Variants in CADPS2 observed in about 807,000 individuals in gnomAD.
The protein encoded by CADPS2 is calcium dependent secretion activator 2.
In CADPS2, 93 loss-of-function variants were observed where a neutral mutation model predicts 172.5. That is an observed-to-expected ratio of 0.54 (90% CI 0.46 to 0.64). CADPS2 has a LOEUF of 0.64. Ranked by LOEUF, CADPS2 falls within the 30% of genes least tolerant of loss-of-function variation. The probability of loss-of-function intolerance (pLI) is 0.00; values close to 1 mark genes in which losing one functional copy is unlikely to be tolerated. For missense variants in CADPS2, 1,420 were observed against 1,565.9 expected, an observed-to-expected ratio of 0.91 and a Z score of 1.57; for synonymous variants, 546 against 555.2, an observed-to-expected ratio of 0.98 and a Z score of 0.23.
At chr7:122,329,939 C>T (rs969651825) in intron 28 of CADPS2, among the ~76,000 whole-genome samples, 1 of 152,154 alleles carries the variant, frequency 6.6e-6, no homozygotes, top group East Asian at 1.9e-4. Flanking sequence ...TTCGCTAGGG[C>T]ACAAATCTGT....
At chr7:122,731,295 C>T (rs949224528) in intron 2 of CADPS2, among the ~76,000 whole-genome samples, 1 of 151,340 alleles carries the variant, frequency 6.6e-6, no homozygotes, top group Non-Finnish European at 1.5e-5. Flanking sequence ...AACAGCAGAA[C>T]TTGAAAGTTT....
chr7:122,653,823 G>A (rs1344578455), intron 3 of CADPS2, among the ~76,000 whole-genome samples: 8 of 152,142 alleles, frequency 5.3e-5, no homozygotes, highest in South Asian at 4.2e-4. Flanking sequence ...GCTCCCATAC[G>A]AGACAACAAA....
intron 17 of CADPS2, among the ~76,000 whole-genome samples, chr7:122,426,369 T>C (rs769593791): frequency 1.1e-3 from 166 of 152,326 alleles, no homozygotes; most frequent in Non-Finnish European, 1.6e-3. Flanking sequence ...ACATCACAAA[T>C]TTGCCAATCA....
At chr7:122,552,661 C>A (rs753586718) in intron 8 of CADPS2, among the ~76,000 whole-genome samples, 8 of 152,040 alleles carry the variant, frequency 5.3e-5, no homozygotes, top group Non-Finnish European at 1.2e-4. Context: ...AGGACCTGCC[C>A]TATGCATGTT....
At chr7:122,513,666 C>T (rs141396393) in intron 8 of CADPS2, among the ~76,000 whole-genome samples, 4 of 152,316 alleles carry the variant, frequency 2.6e-5, no homozygotes, top group Admixed American at 2.0e-4. Context: ...GTTATCAATG[C>T]TTCAGTTCTC....
At chr7:122,749,497 T>G (rs972032494) in intron 1 of CADPS2, among the ~76,000 whole-genome samples, 2 of 152,076 alleles carry the variant, frequency 1.3e-5, no homozygotes, top group Admixed American at 6.6e-5. Flanking sequence ...GACATTTCCC[T>G]AACAAATAAC....
At chr7:122,453,107 C>T (rs1218591077) in intron 14 of CADPS2, among the ~76,000 whole-genome samples, 2 of 152,058 alleles carry the variant, frequency 1.3e-5, no homozygotes, top group Non-Finnish European at 2.9e-5. Context: ...ACATTTCTTA[C>T]AATTTTTTAT....
chr7:122,328,790 G>T (rs532472167), intron 28 of CADPS2, among the ~76,000 whole-genome samples: 3 of 152,220 alleles, frequency 2.0e-5, no homozygotes, highest in Non-Finnish European at 4.4e-5. Context: ...CACTTATTGT[G>T]CATGACTGTA....
intron 1 of CADPS2, among the ~76,000 whole-genome samples, chr7:122,856,833 C>T (rs1300031236): frequency 2.0e-5 from 3 of 152,136 alleles, no homozygotes; most frequent in Non-Finnish European, 4.4e-5. Flanking sequence ...AATATGATTT[C>T]AAGATTAGCA....
At chr7:122,450,022 A>C (rs1377613034) in intron 15 of CADPS2, among the ~76,000 whole-genome samples, 1 of 152,216 alleles carries the variant, frequency 6.6e-6, no homozygotes, top group African/African-American at 2.4e-5. Flanking sequence ...ATTTAAAAAA[A>C]TCACAGAGTC....
At chr7:122,335,843 C>G (rs2035779081) in intron 28 of CADPS2, among the ~76,000 whole-genome samples, 1 of 152,164 alleles carries the variant, frequency 6.6e-6, no homozygotes, top group Non-Finnish European at 1.5e-5. Context: ...ACCTTAATAA[C>G]AGTCTTCATA....
chr7:122,565,490 T>C (rs951993278), intron 7 of CADPS2, among the ~76,000 whole-genome samples: 2 of 152,194 alleles, frequency 1.3e-5, no homozygotes, highest in Non-Finnish European at 2.9e-5. Context: ...ATGGCTACTA[T>C]GGCAGAGCCA....
chr7:122,680,624 G>A (rs2082918324), intron 2 of CADPS2, among the ~76,000 whole-genome samples: 1 of 152,232 alleles, frequency 6.6e-6, no homozygotes, highest in South Asian at 2.1e-4. Flanking sequence ...TGAGGCATGA[G>A]AATCACTTGA....
At chr7:122,430,231 C>T (rs967170895) in intron 17 of CADPS2, among the ~76,000 whole-genome samples, 2 of 152,150 alleles carry the variant, frequency 1.3e-5, no homozygotes, top group Non-Finnish European at 2.9e-5. Context: ...AGGGCACCTC[C>T]ACATTTCTAG....
chr7:122,471,112 A>C (rs567311110), intron 14 of CADPS2, among the ~76,000 whole-genome samples: 41 of 152,294 alleles, frequency 2.7e-4, no homozygotes, highest in African/African-American at 9.9e-4. Context: ...GTATGTAAGA[A>C]CTAAAAGGCA....
chr7:122,688,597 C>G (rs757084545), intron 2 of CADPS2, among the ~76,000 whole-genome samples: 1 of 152,234 alleles, frequency 6.6e-6, no homozygotes, highest in Non-Finnish European at 1.5e-5. Context: ...CTCCCACACA[C>G]AGCTGTGCTG....
chr7:122,453,755 A>G (rs1004671512), intron 14 of CADPS2, among the ~76,000 whole-genome samples: 1 of 152,164 alleles, frequency 6.6e-6, no homozygotes, highest in African/African-American at 2.4e-5. Context: ...TTGTCCTATC[A>G]TATTAGATTT....
At chr7:122,796,937 T>C (rs990803084) in intron 1 of CADPS2, among the ~76,000 whole-genome samples, 6 of 151,702 alleles carry the variant, frequency 4.0e-5, no homozygotes, top group Admixed American at 3.3e-4. Context: ...ACCTACAAAA[T>C]AGGAGACAAT....
At chr7:122,671,126 A>G (rs944572576) in intron 2 of CADPS2, among the ~76,000 whole-genome samples, 1 of 152,150 alleles carries the variant, frequency 6.6e-6, no homozygotes, top group Admixed American at 6.5e-5. Context: ...TTTTCTTTAA[A>G]ATACTGATCA....
Sources: allele counts gnomAD v4.1 joint callset (sites outside exome capture counted in the v4.1 genomes callset), GRCh38; gene constraint gnomAD v4.1.1; transcripts MANE v1.5; gene names NCBI Gene and HGNC (gene_info 2026-07-23, HGNC 2026-07-21).